The following CCDC85A variants were observed in gnomAD, a reference collection of about 807,000 sequenced individuals.
The protein encoded by CCDC85A is coiled-coil domain-containing protein 85A.
CCDC85A carries 38 observed loss-of-function variants against 50.2 expected under a neutral mutation model. The observed-to-expected ratio is 0.76, with a 90% CI of 0.58 to 0.99. The LOEUF (loss-of-function observed/expected upper bound fraction) is 0.99. Among genes scored for constraint, CCDC85A ranks in the 50% least tolerant of loss-of-function variants. The pLI is 0.00. For missense variants in CCDC85A, 820 were observed against 742.0 expected (o/e 1.11, Z -1.22); for synonymous variants, 366 against 301.4 (o/e 1.21, Z -2.22).
intron 2 of CCDC85A, among the ~76,000 whole-genome samples, chr2:56,278,842 G>A (rs769784674): frequency 2.0e-5 from 3 of 152,170 alleles, no homozygotes; most frequent in Admixed American, 1.3e-4. Context: ...CAAAGTGCTG[G>A]GATTACAGGC....
chr2:56,210,464 A>G lies in CCDC85A; in HGVS notation c.1240+17024A>G, dbSNP rs73940625. On this transcript the variant is annotated intron_variant, in intron 2 of 5. Transcript: ENST00000407595. ...ACCTCAACACTTAGTGTTGTGAAACATCAGCCTTTCATTATGTTCATAGAT... is the reference window on the plus strand; with the variant it reads ...ACCTCAACACTTAGTGTTGTGAAACGTCAGCCTTTCATTATGTTCATAGAT... Among the ~76,000 whole-genome samples the G allele has an allele frequency of 4.5e-3, 685 of 152,152 alleles. 6 individuals are homozygous for G. Among genetic ancestry groups the G allele is most frequent in the African/African-American group, 0.016 (664 of 41,538 alleles).
intron 2 of CCDC85A, among the ~76,000 whole-genome samples, chr2:56,315,650 G>A (rs1672888004): frequency 6.6e-6 from 1 of 152,042 alleles, no homozygotes; most frequent in Non-Finnish European, 1.5e-5. Flanking sequence ...TCAGAGATGG[G>A]ACTGACCCTT....
At chr2:56,321,751 C>G (rs1189953400) in intron 2 of CCDC85A, among the ~76,000 whole-genome samples, 1 of 152,158 alleles carries the variant, frequency 6.6e-6, no homozygotes, top group Admixed American at 6.6e-5. Flanking sequence ...CCATCCCCAT[C>G]ATGCTACCAA....
intron 5 of CCDC85A, among the ~76,000 whole-genome samples, chr2:56,382,692 G>A (rs1306983549): frequency 6.6e-6 from 1 of 151,956 alleles, no homozygotes; most frequent in East Asian, 1.9e-4. Flanking sequence ...TTATTGCAAA[G>A]TTCTGCCTTC....
chr2:56,285,944 T>C (rs1300436640), intron 2 of CCDC85A, among the ~76,000 whole-genome samples: 2 of 152,116 alleles, frequency 1.3e-5, no homozygotes, highest in East Asian at 3.8e-4. Context: ...CTGCAAATGG[T>C]TTTTTTCAAC....
At chr2:56,289,119 A>G (rs181739102) in intron 2 of CCDC85A, among the ~76,000 whole-genome samples, 130 of 152,200 alleles carry the variant, frequency 8.5e-4, no homozygotes, top group Non-Finnish European at 1.6e-3. Flanking sequence ...GAAAGTATTC[A>G]GGTTCATAAG....
intron 2 of CCDC85A, among the ~76,000 whole-genome samples, chr2:56,259,216 G>A (rs1670115977): frequency 1.3e-5 from 2 of 152,244 alleles, no homozygotes; most frequent in Non-Finnish European, 2.9e-5. Context: ...TTTTGACACT[G>A]TTTTTGGGTA....
intron 2 of CCDC85A, among the ~76,000 whole-genome samples, chr2:56,208,447 A>G (rs1250946044): frequency 2.0e-5 from 3 of 152,106 alleles, no homozygotes. Flanking sequence ...ACTGCAGCAG[A>G]GTATTTTGAA....
chr2:56,192,837 A>G lies in CCDC85A; in HGVS notation c.637A>G (p.Thr213Ala). ...GCGGGATGTGGGTGACGGCAGCAGC[A>G]CCTCCAGCACTGGCAGCACTGACAG... The part of the protein sequence containing the change: ...YVRDVGDGSS[T>A]SSTGSTDSPD... The change falls in exon 2 of 6, where the codon ACC becomes GCC. Residue 213 changes from threonine to alanine, a missense_variant. Physicochemically the swap from Thr to Ala is moderately conservative, Grantham distance 58 (BLOSUM62 0). Coordinates refer to ENST00000407595, the MANE Select transcript of CCDC85A (RefSeq NM_001080433.2). This position sits in a 1 kb window ranked among gnomAD's most constrained non-coding sequence, Gnocchi z 4.7. 6.2e-7 allele frequency: 1 copy of G among 1,613,204 alleles called. No homozygotes were observed. Among genetic ancestry groups the G allele is most frequent in the Non-Finnish European group, 8.5e-7 (1 of 1,179,642 alleles).
At chr2:56,255,057 T>C (rs1369759666) in intron 2 of CCDC85A, among the ~76,000 whole-genome samples, 1 of 152,166 alleles carries the variant, frequency 6.6e-6, no homozygotes, top group Non-Finnish European at 1.5e-5. Context: ...TCTCTGAGCA[T>C]TGCTGTTGGT....
chr2:56,311,242 C>T (rs922871330), intron 2 of CCDC85A, among the ~76,000 whole-genome samples: 1 of 152,100 alleles, frequency 6.6e-6, no homozygotes, highest in Admixed American at 6.6e-5. Flanking sequence ...TTTGGAGCAG[C>T]CTTCCTCTTC....
rs762621282 is a variant in CCDC85A at position 56,375,865 on chromosome 2, A to G, written c.1502A>G (p.Asn501Ser). The G allele has an allele frequency of 6.8e-6, 11 of 1,613,540 alleles. No individual in the cohort carries two copies. The highest frequency in any genetic ancestry group is 2.2e-5 in the East Asian group (1 of 44,868). Reference sequence around the variant, plus strand: ...GCTGATGGGAGTAACAGTTCACCCAACTCTGCAGCTAGCTTCAGTGGACAT... The same window carrying G: ...GCTGATGGGAGTAACAGTTCACCCAGCTCTGCAGCTAGCTTCAGTGGACAT... ...SGADGSNSSP[N>S]SAASFSGHAT... The change falls in exon 5 of 6, where the codon AAC becomes AGC. Residue 501 changes from asparagine to serine, a missense_variant. Asn to Ser is a conservative substitution (Grantham distance 46, BLOSUM62 1). Coordinates refer to ENST00000407595, the MANE Select transcript of CCDC85A (RefSeq NM_001080433.2).
At chr2:56,250,522 C>T (rs961169097) in intron 2 of CCDC85A, among the ~76,000 whole-genome samples, 17 of 152,062 alleles carry the variant, frequency 1.1e-4, no homozygotes, top group African/African-American at 3.4e-4. Context: ...GTATGGTAGT[C>T]GGCTTACCTA....
At chr2:56,296,642 C>G (rs1353791664) in intron 2 of CCDC85A, among the ~76,000 whole-genome samples, 1 of 152,024 alleles carries the variant, frequency 6.6e-6, no homozygotes, top group Non-Finnish European at 1.5e-5. Flanking sequence ...GCCTGTTTTA[C>G]AAAAGAGACA....
chr2:56,352,859 A>G (rs949000827), intron 3 of CCDC85A, among the ~76,000 whole-genome samples: 1 of 152,146 alleles, frequency 6.6e-6, no homozygotes, highest in Non-Finnish European at 1.5e-5. Context: ...TTAGACCAGG[A>G]GGACACCCTT....
rs34764564 is a variant in CCDC85A, at chr2:56,238,415, TAAA to T, written c.1240+44990_1240+44992del. ...CTAGGTGACAGAGTAACATTCTGTCTAAAAAAAAAAAAAAAAAGTGGCACTCAG... is the reference window on the plus strand; with the variant it reads ...CTAGGTGACAGAGTAACATTCTGTCTAAAAAAAAAAAAAAGTGGCACTCAG... On this transcript the variant is annotated intron_variant, in intron 2 of 5. Transcript: ENST00000407595. Among the ~76,000 whole-genome samples the T allele has an allele frequency of 4.3e-4, 53 of 124,632 alleles. 3 individuals are homozygous for T. The South Asian group carries it at 0.012, about 29-fold the overall frequency. The allele number at this position is 124,632 out of a possible 152,430, so 81.8% of individuals were successfully genotyped here.
chr2:56,373,489 T>C (rs1162414491), intron 4 of CCDC85A, among the ~76,000 whole-genome samples: 2 of 152,174 alleles, frequency 1.3e-5, no homozygotes, highest in Non-Finnish European at 2.9e-5. Flanking sequence ...GTTGTTTACA[T>C]TGATTTTTAG....
intron 3 of CCDC85A, among the ~76,000 whole-genome samples, chr2:56,365,572 C>T (rs1348116909): frequency 1.3e-5 from 2 of 152,150 alleles, no homozygotes; most frequent in Non-Finnish European, 2.9e-5. Flanking sequence ...GGAAAAATCA[C>T]TCTGGGGTAT....
chr2:56,297,969 G>A (rs769033571), intron 2 of CCDC85A, among the ~76,000 whole-genome samples: 3 of 152,084 alleles, frequency 2.0e-5, no homozygotes, highest in Admixed American at 1.3e-4. Flanking sequence ...CAACATATTC[G>A]TCTCTGGAAA....
Sources: gnomAD v4.1 joint callset for allele counts (sites outside exome capture counted in the v4.1 genomes callset) on GRCh38, gnomAD v4.1.1 for gene constraint, Gnocchi (gnomAD v3.1) non-coding constraint, MANE v1.5 for transcripts, NCBI Gene and HGNC (gene_info 2026-07-23, HGNC 2026-07-21) for gene names.